The following FRAS1 variants were observed in gnomAD, a reference collection of about 807,000 sequenced individuals.
The protein encoded by FRAS1 is extracellular matrix organizing protein FRAS1.
A neutral mutation model predicts 435.2 loss-of-function variants in FRAS1; 290 were observed. The ratio of observed to expected loss-of-function variants is 0.67; its 90% CI spans 0.61 to 0.73. The LOEUF (loss-of-function observed/expected upper bound fraction) is 0.73, where lower values mean the gene tolerates loss of function less well. FRAS1 is among the 30% of genes least tolerant of loss of function. FRAS1 has a pLI of 0.00. For missense variants in FRAS1, 4,860 were observed against 5,001.5 expected (o/e 0.97, Z 0.85); for synonymous variants, 1,800 against 1,851.0 (o/e 0.97, Z 0.71).
intron 41 of FRAS1, among the ~76,000 whole-genome samples, chr4:78,441,621 G>A (rs1017000158): frequency 8.0e-6 from 1 of 124,520 alleles, no homozygotes; most frequent in Non-Finnish European, 1.8e-5. Context: ...ATGTTAGAAG[G>A]TGAATAAATA....
intron 67 of FRAS1, 95 bp from the exon 68 acceptor site, chr4:78,521,428 T>A: frequency 1.4e-6 from 1 of 715,524 alleles, no homozygotes; most frequent in African/African-American, 1.8e-5. Context: ...AATGTGCAGC[T>A]ATACTTGGAG....
intron 18 of FRAS1, among the ~76,000 whole-genome samples, chr4:78,326,226 C>A (rs1279186384): frequency 1.3e-5 from 2 of 152,018 alleles, no homozygotes; most frequent in Non-Finnish European, 2.9e-5. Context: ...CTGCACTAAC[C>A]CAAGTCATGA....
intron 38 of FRAS1, among the ~76,000 whole-genome samples, chr4:78,433,463 T>A (rs1337688556): frequency 6.6e-6 from 1 of 152,228 alleles, no homozygotes; most frequent in East Asian, 1.9e-4. Context: ...ATTTTTTTAA[T>A]GCCGTATACT....
intron 27 of FRAS1, 108 bp from the exon 28 acceptor site, chr4:78,383,951 A>T (rs1732120067): frequency 4.0e-6 from 3 of 752,514 alleles, no homozygotes; most frequent in Admixed American, 2.9e-5. Context: ...CAGCAGTTTG[A>T]TCCAAATTCT....
intron 2 of FRAS1, among the ~76,000 whole-genome samples, chr4:78,085,304 G>T (rs1019673963): frequency 6.6e-6 from 1 of 151,996 alleles, no homozygotes; most frequent in Non-Finnish European, 1.5e-5. Flanking sequence ...TTTATGCATC[G>T]TCTGTTTATA....
At chr4:78,249,064 C>CATATATATATATATATGCAT (rs773092419) in intron 4 of FRAS1, among the ~76,000 whole-genome samples, 8 of 16,612 alleles carry the variant, frequency 4.8e-4, no homozygotes, top group Non-Finnish European at 8.5e-4. Flanking sequence ...TATATATATG[C>CATATATATATATATATGCAT]ATATATATAT....
intron 6 of FRAS1, among the ~76,000 whole-genome samples, chr4:78,258,495 C>A (rs1202580726): frequency 6.6e-6 from 1 of 151,706 alleles, no homozygotes; most frequent in Non-Finnish European, 1.5e-5. Flanking sequence ...CATCCTGACC[C>A]TATGGACTCC....
At chr4:78,504,138 A>C (rs1223854683) in intron 61 of FRAS1, among the ~76,000 whole-genome samples, 1 of 152,176 alleles carries the variant, frequency 6.6e-6, no homozygotes, top group Non-Finnish European at 1.5e-5. Flanking sequence ...ACTTCCAATT[A>C]TGTGGTCAAT....
At chr4:78,220,594 G>A (rs1448463927) in intron 2 of FRAS1, among the ~76,000 whole-genome samples, 1 of 152,172 alleles carries the variant, frequency 6.6e-6, no homozygotes, top group East Asian at 1.9e-4. Flanking sequence ...CTGTATTGTG[G>A]AAAAGGAACC....
chr4:78,082,146 A>G (rs1740925452), intron 2 of FRAS1, among the ~76,000 whole-genome samples: 1 of 152,134 alleles, frequency 6.6e-6, no homozygotes. Flanking sequence ...GTCCCTCTCT[A>G]ATGTTTCCAA....
chr4:78,310,793 A>G (rs1038052143), intron 15 of FRAS1, among the ~76,000 whole-genome samples: 10 of 152,234 alleles, frequency 6.6e-5, no homozygotes, highest in African/African-American at 2.2e-4. Context: ...GATGCTGATA[A>G]TGCTGACTTA....
chr4:78,372,168 A>G (rs1731541730), intron 23 of FRAS1, among the ~76,000 whole-genome samples: 1 of 152,194 alleles, frequency 6.6e-6, no homozygotes, highest in Admixed American at 6.5e-5. Context: ...CTTTCTGGAC[A>G]GCACCTTTAT....
At chr4:78,407,636 C>T in intron 30 of FRAS1, 27 bp from the exon 31 acceptor site, 1 of 1,568,594 alleles carries the variant, frequency 6.4e-7, no homozygotes, top group Non-Finnish European at 8.6e-7. Context: ...GGGACCCTCA[C>T]TAACTATGTG....
chr4:78,504,802 G>A (rs1560416340), intron 61 of FRAS1, among the ~76,000 whole-genome samples: 1 of 152,146 alleles, frequency 6.6e-6, no homozygotes, highest in Non-Finnish European at 1.5e-5. Context: ...ATTAATTGAT[G>A]CAGTTTCTTC....
intron 58 of FRAS1, among the ~76,000 whole-genome samples, 182 bp downstream of exon 58, chr4:78,482,717 T>C (rs1011878806): frequency 1.3e-5 from 2 of 152,216 alleles, no homozygotes; most frequent in African/African-American, 2.4e-5. Context: ...AGAGAACCAT[T>C]GATGTCTCCG....
chr4:78,422,984 A>C (rs1733849688), intron 34 of FRAS1, among the ~76,000 whole-genome samples: 1 of 152,092 alleles, frequency 6.6e-6, no homozygotes, highest in Non-Finnish European at 1.5e-5. Context: ...TAAGTTTCTC[A>C]TTAAAGCCAG....
intron 2 of FRAS1, among the ~76,000 whole-genome samples, chr4:78,173,478 G>A (rs1348582860): frequency 2.0e-5 from 3 of 152,148 alleles, no homozygotes; most frequent in Non-Finnish European, 4.4e-5. Flanking sequence ...TTACTCTTGA[G>A]ACTCCCTCAC....
At chr4:78,162,311 T>C (rs1472849509) in intron 2 of FRAS1, among the ~76,000 whole-genome samples, 1 of 152,134 alleles carries the variant, frequency 6.6e-6, no homozygotes, top group Non-Finnish European at 1.5e-5. Context: ...TGCTCATCAA[T>C]AGGAATTTAT....
intron 47 of FRAS1, 59 bp downstream of exon 47, chr4:78,452,413 G>A (rs1719054806): frequency 9.1e-6 from 12 of 1,317,444 alleles, no homozygotes; most frequent in Non-Finnish European, 1.3e-5. Flanking sequence ...AAGTATTGAG[G>A]GCAGCCACAT....
Sources: gnomAD v4.1 joint callset for allele counts (sites outside exome capture counted in the v4.1 genomes callset) on GRCh38, gnomAD v4.1.1 for gene constraint, MANE v1.5 for transcripts, NCBI Gene and HGNC (gene_info 2026-07-23, HGNC 2026-07-21) for gene names.